ODF1: variants seen among roughly 807,000 people sequenced by gnomAD.
The protein encoded by ODF1 is outer dense fiber of sperm tails 1.
Under a neutral mutation model 24.0 loss-of-function variants are expected in ODF1, and 10 were observed. The observed-to-expected ratio is 0.42, with a 90% CI of 0.26 to 0.71. ODF1 has a LOEUF of 0.71. Ranked by LOEUF, ODF1 falls within the 30% of genes least tolerant of loss-of-function variation. ODF1 has a pLI of 0.28. For missense variants in ODF1, 282 were observed against 307.9 expected, an observed-to-expected ratio of 0.92 and a Z score of 0.63; for synonymous variants, 118 against 121.3, an observed-to-expected ratio of 0.97 and a Z score of 0.18.
chr8:102,555,414 C>T (rs1035259845), intron 1 of ODF1, among the ~76,000 whole-genome samples: 6 of 152,162 alleles, frequency 3.9e-5, no homozygotes, highest in African/African-American at 7.2e-5. Flanking sequence ...TACTCTTTAC[C>T]GGTACCTAGA....
chr8:102,560,364 A>G, intron 1 of ODF1, 88 bp from the exon 2 acceptor site: 1 of 1,271,930 alleles, frequency 7.9e-7, no homozygotes, highest in Non-Finnish European at 1.1e-6. Flanking sequence ...CTATTTCAAA[A>G]GCTAGAAATC....
At chr8:102,553,204 T>TAA (rs1315579134) in intron 1 of ODF1, among the ~76,000 whole-genome samples, 27,883 of 63,950 alleles carry the variant, frequency 0.44, 2,498 homozygotes, top group South Asian at 0.5. Context: ...CTCTACTAAA[T>TAA]ACAAAAAAAA....
At position 102,560,489 on chromosome 8, in the gene ODF1, T is replaced by C. The variant is rs747819532; in HGVS notation, c.358T>C (p.Cys120Arg). 6 of 1,613,294 alleles carry C rather than the reference T, an allele frequency of 3.7e-6. No individual in the cohort carries two copies. The East Asian group carries it at 8.9e-5, about 24-fold the overall frequency. The change falls in exon 2 of 2, where the codon TGC (cysteine) becomes CGC (arginine). Residue 120 changes from cysteine to arginine, a missense_variant. Physicochemically the swap from Cys to Arg is radical, Grantham distance 180 (BLOSUM62 -3). Transcript: ENST00000285402. ...AACAAATAGAATTCTGGCTTCCTCC[T>C]GCTGTAGCAGTAACATTTTAGGATC... ...RTTNRILASS[C>R]CSSNILGSVN...
At chr8:102,553,496 A>G (rs1329013864) in intron 1 of ODF1, among the ~76,000 whole-genome samples, 1 of 152,006 alleles carries the variant, frequency 6.6e-6, no homozygotes, top group Non-Finnish European at 1.5e-5. Context: ...CTTTGAACCA[A>G]TGTTTGTTTT....
Position 102,551,778 on chromosome 8 carries a change from G to C in ODF1, c.51G>C (p.Lys17Asn), listed in dbSNP as rs140507903. Residue 17 changes from lysine to asparagine, a missense_variant, in exon 1 of 2, where the codon AAG becomes AAC. Physicochemically the swap from Lys to Asn is moderately conservative, Grantham distance 94. Coordinates refer to ENST00000285402, the MANE Select transcript of ODF1 (RefSeq NM_024410.4). ...LLDSVRRDIKKVDRELRQLRC... is the reference protein window; with the variant it reads ...LLDSVRRDIKNVDRELRQLRC... ...ACAGTGTCAGAAGGGACATAAAGAA[G>C]GTGGACAGAGAACTAAGGCAACTGA... The C allele has an allele frequency of 3.4e-3, 5,456 of 1,613,646 alleles. 7 individuals are homozygous for C. Among genetic ancestry groups the C allele is most frequent in the Non-Finnish European group, 4.2e-3 (4,936 of 1,179,688 alleles).
At chr8:102,557,395 A>C (rs1407904375) in intron 1 of ODF1, among the ~76,000 whole-genome samples, 1 of 152,176 alleles carries the variant, frequency 6.6e-6, no homozygotes, top group East Asian at 1.9e-4. Context: ...ACTGACTTAG[A>C]AGCAAGAAGA....
Position 102,560,547 on chromosome 8 carries a change from T to C in ODF1, c.416T>C (p.Val139Ala), listed in dbSNP as rs751476650. ...VNVCGFEPDQ[V>A]KVRVKDGKVC... ...GTATGCGGTTTTGAACCCGATCAAG[T>C]CAAAGTTCGAGTGAAGGATGGAAAG... Residue 139 changes from valine (V) to alanine (A), a missense_variant, in exon 2 of 2, where the codon GTC becomes GCC. Physicochemically the swap from Val to Ala is moderately conservative, Grantham distance 64. Coordinates refer to ENST00000285402, the MANE Select transcript of ODF1 (RefSeq NM_024410.4). The C allele has an allele frequency of 1.2e-6, 2 of 1,614,158 alleles. No homozygotes were observed. The highest frequency in any genetic ancestry group is 3.3e-5 in the Admixed American group (2 of 60,008).
intron 1 of ODF1, among the ~76,000 whole-genome samples, chr8:102,554,351 TC>T (rs1370827702): frequency 6.6e-6 from 1 of 152,186 alleles, no homozygotes; most frequent in Non-Finnish European, 1.5e-5. Flanking sequence ...ATGACCTTCC[TC>T]CCCTTTAAAG....
chr8:102,558,805 C>A (rs1008816431), intron 1 of ODF1, among the ~76,000 whole-genome samples: 3 of 148,136 alleles, frequency 2.0e-5, no homozygotes, highest in Admixed American at 2.0e-4. Flanking sequence ...AAGTCAAACA[C>A]CAAAATGCTA....
In ODF1 at chr8:102,551,685, C is replaced by T. The variant is rs575317947; in HGVS notation, c.-43C>T. ...TTAGAACAAATTTTTTCCCGGAGTG[C>T]CATTTCCCAAAGGTACTCACAGAAC... On this transcript the variant is annotated 5_prime_UTR_variant, in exon 1 of 2. Transcript: ENST00000285402. The T allele has an allele frequency of 1.2e-4, 185 of 1,491,270 alleles. No individual in the cohort carries two copies. The East Asian group carries it at 3.0e-3, about 24-fold the overall frequency. 92.4% of individuals were successfully genotyped at this position (1,491,270 alleles called of 1,614,324 possible).
Position 102,560,966 on chromosome 8 carries a change from A to G in ODF1, c.*82A>G. 7.9e-7 allele frequency: 1 copy of G among 1,270,884 alleles called. No individual in the cohort carries two copies. Among genetic ancestry groups the G allele is most frequent in the Non-Finnish European group, 1.1e-6 (1 of 912,036 alleles). The allele number at this position is 1,270,884 out of a possible 1,614,324, so 78.7% of individuals were successfully genotyped here. A position where few individuals can be genotyped will look rare whatever the true frequency, so the allele number is the denominator to read the frequency against. ...TCCCAATGTTTCTCCTCTCCTTCCC[A>G]TGGCCCCTGTTGTTGAAGTACGTAG... On this transcript the variant is annotated 3_prime_UTR_variant, in exon 2 of 2. Transcript: ENST00000285402.
chr8:102,560,262 C>A (rs556447160), intron 1 of ODF1, among the ~76,000 whole-genome samples, 190 bp from the exon 2 acceptor site: 1 of 147,454 alleles, frequency 6.8e-6, no homozygotes, highest in Non-Finnish European at 1.5e-5. Context: ...TGTGTACTTG[C>A]GGGGCAGTGT....
At chr8:102,555,293 C>T (rs1301612552) in intron 1 of ODF1, among the ~76,000 whole-genome samples, 2 of 152,180 alleles carry the variant, frequency 1.3e-5, no homozygotes, top group Non-Finnish European at 2.9e-5. Flanking sequence ...GAAACAAAAC[C>T]CAGGCCCTCC....
chr8:102,555,219 T>C (rs911019398), intron 1 of ODF1, among the ~76,000 whole-genome samples: 7 of 152,140 alleles, frequency 4.6e-5, no homozygotes, highest in Non-Finnish European at 1.0e-4. Context: ...CCAGCCTGAT[T>C]TAAGTTGTAA....
At position 102,560,564 on chromosome 8, in the gene ODF1, G is replaced by A. The variant is rs1826166258; in HGVS notation, c.433G>A (p.Asp145Asn). ...EPDQVKVRVK[D>N]GKVCVSAERE... The stretch of plus-strand genomic sequence containing the variant: ...CGATCAAGTCAAAGTTCGAGTGAAG[G>A]ATGGAAAGGTATGTGTGTCGGCTGA... The change falls in exon 2 of 2, where the codon GAT becomes AAT. Residue 145 changes from aspartate (D) to asparagine (N), a missense_variant. Physicochemically the swap from Asp to Asn is conservative, Grantham distance 23 (BLOSUM62 1). Transcript: ENST00000285402. The A allele has an allele frequency of 6.2e-7, 1 of 1,614,120 alleles. No individual in the cohort carries two copies.
At chr8:102,554,735 T>C (rs1826091611) in intron 1 of ODF1, among the ~76,000 whole-genome samples, 1 of 152,082 alleles carries the variant, frequency 6.6e-6, no homozygotes. Flanking sequence ...GGAGAATTGC[T>C]CAAGTCCGGG....
intron 1 of ODF1, among the ~76,000 whole-genome samples, chr8:102,558,833 T>C (rs1320212343): frequency 1.3e-5 from 2 of 151,490 alleles, no homozygotes; most frequent in African/African-American, 4.9e-5. Context: ...TATGAGATTA[T>C]AGGTATTTTT....
In ODF1 at chr8:102,551,653, G is replaced by A; in HGVS notation, c.-75G>A. On this transcript the variant is annotated 5_prime_UTR_variant, in exon 1 of 2. Transcript: ENST00000285402. ...ATTTATTTTTAAAAGCAACTTCTGA[G>A]AAGGGCTTAGAACAAATTTTTTCCC... is the stretch of plus-strand genomic sequence containing the variant. The A allele has an allele frequency of 8.0e-7, 1 of 1,255,988 alleles. No homozygotes were observed. The highest frequency in any genetic ancestry group is 1.5e-5 in the South Asian group (1 of 67,586). 77.8% of individuals were successfully genotyped at this position (1,255,988 alleles called of 1,614,324 possible). A position where few individuals can be genotyped will look rare whatever the true frequency, so the allele number is the denominator to read the frequency against.
intron 1 of ODF1, 36 bp from the exon 2 acceptor site, chr8:102,560,416 A>C: frequency 6.3e-7 from 1 of 1,587,508 alleles, no homozygotes; most frequent in South Asian, 1.1e-5. Context: ...CTGAGGTCTG[A>C]GCTCCCTCCC....
Sources: gnomAD v4.1 joint callset for allele counts (sites outside exome capture counted in the v4.1 genomes callset) on GRCh38, gnomAD v4.1.1 for gene constraint, MANE v1.5 for transcripts, NCBI Gene and HGNC (gene_info 2026-07-23, HGNC 2026-07-21) for gene names.